TEX9: variants seen among roughly 807,000 people sequenced by gnomAD.
TEX9 encodes testis-expressed protein 9.
TEX9 carries 74 observed loss-of-function variants against 59.6 expected under a neutral mutation model. The ratio of observed to expected loss-of-function variants is 1.24; its 90% CI spans 1.03 to 1.51. TEX9 has a LOEUF of 1.51. TEX9 is among the 40% of genes most tolerant of loss of function. The pLI, the probability that TEX9 is intolerant of heterozygous loss-of-function variation, is 0.00. For missense variants in TEX9, 522 were observed against 447.8 expected (o/e 1.17, Z -1.49); for synonymous variants, 186 against 152.2 (o/e 1.22, Z -1.64).
intron 1 of TEX9, among the ~76,000 whole-genome samples, chr15:56,316,725 A>T (rs1403518979): frequency 6.6e-5 from 10 of 152,156 alleles, no homozygotes; most frequent in Non-Finnish European, 1.0e-4. Context: ...AAGCCTGGGC[A>T]ATGGTGGGCG....
intron 9 of TEX9, among the ~76,000 whole-genome samples, chr15:56,403,100 C>T (rs1267010676): frequency 3.9e-5 from 6 of 152,372 alleles, no homozygotes; most frequent in African/African-American, 1.4e-4. Context: ...TCTCTCACCA[C>T]TCCAGTTCAA....
intron 1 of TEX9, among the ~76,000 whole-genome samples, chr15:56,316,822 T>C (rs1341765943): frequency 6.6e-6 from 1 of 152,194 alleles, no homozygotes; most frequent in Non-Finnish European, 1.5e-5. Context: ...CGTAGGACCC[T>C]CCAAGCCAGG....
chr15:56,365,388 G>C, upstream of TEX9: 1 of 1,579,510 alleles, frequency 6.3e-7, no homozygotes. Context: ...AGGCAACCGG[G>C]ATGTGGAAAC....
At chr15:56,437,590 A>G (rs1263536905) in intron 12 of TEX9, among the ~76,000 whole-genome samples, 2 of 152,190 alleles carry the variant, frequency 1.3e-5, no homozygotes, top group East Asian at 1.9e-4. Context: ...ACTCCTATTC[A>G]ACATAGTGTT....
chr15:56,302,634 AGAAG>A (rs1238561031), intron 1 of TEX9, among the ~76,000 whole-genome samples: 5 of 152,188 alleles, frequency 3.3e-5, no homozygotes, highest in African/African-American at 4.8e-5. Flanking sequence ...AAGGAAGAAA[AGAAG>A]GAAGGAAGAG....
chr15:56,394,388 C>A, intron 8 of TEX9, 141 bp downstream of exon 8: 1 of 721,098 alleles, frequency 1.4e-6, no homozygotes, highest in Non-Finnish European at 2.2e-6. Context: ...AAGTACTGAA[C>A]TTTATTCTGA....
At chr15:56,309,785 A>T (rs369896874) in intron 1 of TEX9, among the ~76,000 whole-genome samples, 3 of 140,748 alleles carry the variant, frequency 2.1e-5, no homozygotes, top group African/African-American at 8.1e-5. Context: ...GCTGAACTAC[A>T]TTCCGATTTG....
chr15:56,307,186 A>G (rs2045503776), intron 1 of TEX9, among the ~76,000 whole-genome samples: 1 of 152,228 alleles, frequency 6.6e-6, no homozygotes, highest in South Asian at 2.1e-4. Context: ...AAAGAGGGAT[A>G]TAAGAAGCTG....
intron 1 of TEX9, among the ~76,000 whole-genome samples, chr15:56,353,895 A>G (rs887370861): frequency 1.3e-5 from 2 of 152,166 alleles, no homozygotes; most frequent in African/African-American, 4.8e-5. Flanking sequence ...TGAGGCTATC[A>G]ATGACTTCTT....
upstream of TEX9, among the ~76,000 whole-genome samples, chr15:56,362,888 A>T (rs1223003192): frequency 6.6e-6 from 1 of 152,226 alleles, no homozygotes; most frequent in Non-Finnish European, 1.5e-5. Flanking sequence ...TTAGCATAAT[A>T]TATTCAAGGT....
intron 1 of TEX9, among the ~76,000 whole-genome samples, chr15:56,287,905 TTATC>T (rs1185235335): frequency 1.3e-5 from 2 of 152,206 alleles, no homozygotes; most frequent in Non-Finnish European, 2.9e-5. Flanking sequence ...TATATTTTCT[TTATC>T]CATTCATTCA....
At chr15:56,303,558 T>C (rs2045410182) in intron 1 of TEX9, among the ~76,000 whole-genome samples, 1 of 151,952 alleles carries the variant, frequency 6.6e-6, no homozygotes, top group South Asian at 2.1e-4. Context: ...AGACCAAAAT[T>C]TATAGCAATG....
At chr15:56,330,568 TTTAG>T (rs1237514914) in intron 1 of TEX9, among the ~76,000 whole-genome samples, 9 of 152,152 alleles carry the variant, frequency 5.9e-5, no homozygotes, top group East Asian at 5.8e-4. Flanking sequence ...TTCTTTTTGC[TTTAG>T]TTAGTTCATG....
intron 1 of TEX9, among the ~76,000 whole-genome samples, chr15:56,261,495 A>G (rs1348419545): frequency 2.0e-5 from 3 of 151,918 alleles, no homozygotes; most frequent in African/African-American, 7.3e-5. Context: ...AGGCAGGTGG[A>G]TCACTTGAGG....
intron 1 of TEX9, among the ~76,000 whole-genome samples, chr15:56,300,911 G>A (rs2045346157): frequency 6.6e-6 from 1 of 152,128 alleles, no homozygotes; most frequent in Non-Finnish European, 1.5e-5. Context: ...AGGCTGTGAA[G>A]ACTACAGTAA....
intron 1 of TEX9, among the ~76,000 whole-genome samples, chr15:56,261,985 G>A (rs1359263399): frequency 1.3e-5 from 2 of 152,192 alleles, no homozygotes; most frequent in African/African-American, 2.4e-5. Context: ...TGGGGTGCCA[G>A]TGAAAGGCAT....
the TEX9 span, chr15:56,456,407 C>T: frequency 6.2e-7 from 1 of 1,607,682 alleles, no homozygotes; most frequent in Non-Finnish European, 8.5e-7. Context: ...TTTTCTCTTA[C>T]TTGTTGCCTC....
intron 1 of TEX9, among the ~76,000 whole-genome samples, chr15:56,277,015 TG>T (rs1372673531): frequency 4.2e-5 from 5 of 118,178 alleles, no homozygotes; most frequent in African/African-American, 1.4e-4. Context: ...TGGGGTTGTT[TG>T]TTTTTTTTTT....
intron 9 of TEX9, chr15:56,408,538 T>C (rs1451399933): frequency 6.6e-6 from 1 of 152,238 alleles, no homozygotes. Flanking sequence ...CATTTTTGTG[T>C]CTTGCCCTTA....
Sources: gnomAD v4.1 joint callset for allele counts (sites outside exome capture counted in the v4.1 genomes callset) on GRCh38, gnomAD v4.1.1 for gene constraint, MANE v1.5 for transcripts, NCBI Gene and HGNC (gene_info 2026-07-23, HGNC 2026-07-21) for gene names.